Variants in NOX4 observed in about 807,000 individuals in gnomAD.
NOX4 encodes NADPH oxidase 4.
In NOX4, 69 loss-of-function variants were observed where a neutral mutation model predicts 87.6. The ratio of observed to expected loss-of-function variants is 0.79; its 90% CI spans 0.65 to 0.96. The LOEUF (loss-of-function observed/expected upper bound fraction) is 0.96. Ranked by LOEUF, NOX4 falls within the 40% of genes least tolerant of loss-of-function variation. The pLI is 0.00. For missense variants in NOX4, 680 were observed against 681.5 expected, an observed-to-expected ratio of 1.00 and a Z score of 0.02; for synonymous variants, 275 against 238.2, an observed-to-expected ratio of 1.15 and a Z score of -1.42.
intron 17 of NOX4, among the ~76,000 whole-genome samples, chr11:89,333,106 C>T (rs1221726878): frequency 6.6e-6 from 1 of 151,772 alleles, no homozygotes; most frequent in East Asian, 1.9e-4. Flanking sequence ...TACCACAGCA[C>T]TATTTTTAAC....
At chr11:89,465,487 G>T (rs1235556771) in intron 2 of NOX4, among the ~76,000 whole-genome samples, 1 of 152,098 alleles carries the variant, frequency 6.6e-6, no homozygotes, top group African/African-American at 2.4e-5. Context: ...AACCCTTTGG[G>T]TATATGCCTA....
At chr11:89,359,625 A>T (rs2134997862) in intron 12 of NOX4, among the ~76,000 whole-genome samples, 1 of 152,208 alleles carries the variant, frequency 6.6e-6, no homozygotes, top group South Asian at 2.1e-4. Flanking sequence ...GATCACTGTC[A>T]CATAATTAGT....
the NOX4 span, among the ~76,000 whole-genome samples, chr11:89,570,146 ACATGTAC>A: frequency 6.6e-6 from 1 of 152,246 alleles, no homozygotes; most frequent in South Asian, 2.1e-4. Context: ...AATGTGGTAG[ACATGTAC>A]CATGGAATAT....
intron 2 of NOX4, among the ~76,000 whole-genome samples, chr11:89,452,845 G>T (rs1945027270): frequency 6.6e-6 from 1 of 152,002 alleles, no homozygotes; most frequent in Admixed American, 6.6e-5. Flanking sequence ...CTTCTGAGTA[G>T]CTAGGACTAC....
At chr11:89,495,437 C>CACAAAG (rs1222280896), upstream of NOX4, among the ~76,000 whole-genome samples, 4 of 152,142 alleles carry the variant, frequency 2.6e-5, no homozygotes, top group Non-Finnish European at 4.4e-5. Context: ...AAATCACCCT[C>CACAAAG]TGCCTCTCTC....
chr11:89,564,518 G>A, the NOX4 span, among the ~76,000 whole-genome samples: 1 of 152,112 alleles, frequency 6.6e-6, no homozygotes, highest in East Asian at 1.9e-4. Flanking sequence ...AATTAAACAT[G>A]AGATTTGGGC....
At chr11:89,533,088 G>C in the NOX4 span, among the ~76,000 whole-genome samples, 1 of 152,102 alleles carries the variant, frequency 6.6e-6, no homozygotes, top group Admixed American at 6.5e-5. Context: ...TTAAAAAACA[G>C]AGATAATACT....
chr11:89,557,388 G>A, the NOX4 span, among the ~76,000 whole-genome samples: 418 of 152,224 alleles, frequency 2.7e-3, 3 homozygotes, highest in African/African-American at 9.5e-3. Flanking sequence ...CGGGAAAGGA[G>A]GGACCCAAGC....
chr11:89,530,367 G>C, the NOX4 span, among the ~76,000 whole-genome samples: 60 of 133,870 alleles, frequency 4.5e-4, no homozygotes, highest in Non-Finnish European at 9.1e-4. Flanking sequence ...TTTTGAGATG[G>C]AGTCTCAATC....
chr11:89,494,650 A>G (rs1008783076), upstream of NOX4, among the ~76,000 whole-genome samples: 1 of 152,218 alleles, frequency 6.6e-6, no homozygotes, highest in Admixed American at 6.5e-5. Flanking sequence ...TTTCTCAAGC[A>G]TAACTCTCCA....
intron 12 of NOX4, among the ~76,000 whole-genome samples, chr11:89,362,298 T>C (rs1938589634): frequency 6.6e-6 from 1 of 152,092 alleles, no homozygotes; most frequent in South Asian, 2.1e-4. Context: ...GTGTGATGCA[T>C]GTGCATGTGT....
chr11:89,421,904 T>C lies in NOX4; in HGVS notation c.627A>G (p.Ser209=), dbSNP rs765495394. 4 of 1,561,300 alleles carry C rather than the reference T, an allele frequency of 2.6e-6. No individual in the cohort carries two copies. The South Asian group carries it at 3.6e-5, about 14-fold the overall frequency. Residue 209 remains serine (S), a splice_region_variant and synonymous_variant, in exon 8 of 18, where the codon TCA becomes TCG. Coordinates refer to ENST00000263317, the MANE Select transcript of NOX4 (RefSeq NM_016931.5). ...VFYMLLTLHV[S]GGLLKYQTNL... is the part of the protein sequence containing the mutation. ...AATACATACATTTGTAAACTTACCC[T>C]GAAACATGCAACGTCAGCAGCATGT...
intron 4 of NOX4, among the ~76,000 whole-genome samples, chr11:89,448,935 C>T (rs1944830077): frequency 6.6e-6 from 1 of 152,106 alleles, no homozygotes; most frequent in South Asian, 2.1e-4. Context: ...CACATCATCA[C>T]TTTCAGAGCT....
chr11:89,391,885 T>C (rs1941151978), intron 11 of NOX4, among the ~76,000 whole-genome samples: 1 of 151,480 alleles, frequency 6.6e-6, no homozygotes, highest in African/African-American at 2.4e-5. Flanking sequence ...CATTGAAAAA[T>C]GTATTTTATT....
chr11:89,546,569 C>G, the NOX4 span: 1 of 152,110 alleles, frequency 6.6e-6, no homozygotes, highest in South Asian at 2.1e-4. Context: ...CTGTCTTAGT[C>G]TGTTTTGCAT....
In NOX4 at chr11:89,325,912, T is replaced by A. The variant is rs1169660264; in HGVS notation, c.*844A>T. On this transcript the variant is annotated 3_prime_UTR_variant, in exon 18 of 18. Coordinates refer to ENST00000263317, the MANE Select transcript of NOX4 (RefSeq NM_016931.5). The stretch of plus-strand genomic sequence containing the variant: ...ATATATATATATATATATATATATG[T>A]GTGTGTGTGTGTATATATATATGTG... The A allele has an allele frequency of 1.3e-5, 1 of 75,978 alleles. No homozygotes were observed. The highest frequency in any genetic ancestry group is 5.2e-5 in the African/African-American group (1 of 19,150). The allele number at this position is 75,978 out of a possible 1,614,324, so 4.7% of individuals were successfully genotyped here.
the NOX4 span, among the ~76,000 whole-genome samples, chr11:89,507,251 T>C: frequency 6.6e-6 from 1 of 151,852 alleles, no homozygotes; most frequent in Non-Finnish European, 1.5e-5. Context: ...GATGGTTTCA[T>C]GGGTGTATCC....
chr11:89,382,613 C>A (rs931007391), intron 11 of NOX4, among the ~76,000 whole-genome samples: 1 of 152,022 alleles, frequency 6.6e-6, no homozygotes, highest in African/African-American at 2.4e-5. Context: ...ACCGACCCAT[C>A]TGACTTCTCC....
intron 12 of NOX4, among the ~76,000 whole-genome samples, chr11:89,358,470 A>G (rs1254004946): frequency 6.6e-6 from 1 of 150,922 alleles, no homozygotes; most frequent in Non-Finnish European, 1.5e-5. Flanking sequence ...GAACTTTAAA[A>G]GCATGTCTTT....
Sources: gnomAD v4.1 joint callset for allele counts (sites outside exome capture counted in the v4.1 genomes callset) on GRCh38, gnomAD v4.1.1 for gene constraint, MANE v1.5 for transcripts, NCBI Gene and HGNC (gene_info 2026-07-23, HGNC 2026-07-21) for gene names.